PTPRT: variants seen among roughly 807,000 people sequenced by gnomAD.
The protein encoded by PTPRT is protein tyrosine phosphatase receptor type T.
Under a neutral mutation model 176.8 loss-of-function variants are expected in PTPRT, and 56 were observed. That is an observed-to-expected ratio of 0.32 (90% CI 0.26 to 0.40). The LOEUF is 0.40. Ranked by LOEUF, PTPRT falls within the 10% of genes least tolerant of loss-of-function variation. The pLI is 1.00. For missense variants in PTPRT, 1,540 were observed against 1,908.2 expected, an observed-to-expected ratio of 0.81 and a Z score of 3.60; for synonymous variants, 783 against 739.0, an observed-to-expected ratio of 1.06 and a Z score of -0.96.
chr20:42,871,717 G>A (rs1451809189), intron 2 of PTPRT, among the ~76,000 whole-genome samples: 1 of 152,120 alleles, frequency 6.6e-6, no homozygotes, highest in East Asian at 1.9e-4. Flanking sequence ...GCCATTTGTT[G>A]AAGAAATTAT....
intron 7 of PTPRT, among the ~76,000 whole-genome samples, chr20:42,480,791 C>T (rs927686508): frequency 3.9e-5 from 6 of 152,072 alleles, no homozygotes; most frequent in Non-Finnish European, 7.3e-5. Context: ...TTAAGGTGAA[C>T]GAGGATTAAC....
intron 7 of PTPRT, among the ~76,000 whole-genome samples, chr20:42,542,013 C>T (rs986229946): frequency 5.9e-5 from 9 of 152,064 alleles, no homozygotes; most frequent in Non-Finnish European, 5.9e-5. Flanking sequence ...TTTTCCCATG[C>T]TGTTCTCGTA....
intron 9 of PTPRT, among the ~76,000 whole-genome samples, chr20:42,446,297 A>T (rs971673609): frequency 3.9e-5 from 6 of 152,194 alleles, no homozygotes; most frequent in African/African-American, 1.4e-4. Flanking sequence ...AATTTATTCA[A>T]TTTGAAGGAT....
At chr20:42,482,044 A>G (rs928674751) in intron 7 of PTPRT, among the ~76,000 whole-genome samples, 3 of 152,088 alleles carry the variant, frequency 2.0e-5, no homozygotes, top group Non-Finnish European at 2.9e-5. Flanking sequence ...ATTACCAACA[A>G]TGTAATATTT....
chr20:42,537,902 G>T (rs902750315), intron 7 of PTPRT, among the ~76,000 whole-genome samples: 3 of 152,104 alleles, frequency 2.0e-5, no homozygotes, highest in Non-Finnish European at 4.4e-5. Flanking sequence ...TCAGCATAAG[G>T]TATACCACCA....
chr20:42,642,344 C>A (rs180702426), intron 7 of PTPRT, among the ~76,000 whole-genome samples: 60 of 152,276 alleles, frequency 3.9e-4, no homozygotes, highest in African/African-American at 1.3e-3. Context: ...ACTGAGAAAG[C>A]TCTGATCCTT....
intron 2 of PTPRT, among the ~76,000 whole-genome samples, chr20:42,853,615 G>T (rs139447051): frequency 6.6e-6 from 1 of 152,136 alleles, no homozygotes; most frequent in African/African-American, 2.4e-5. Flanking sequence ...TCTGGTGCTC[G>T]AACGATTGGA....
At chr20:43,085,450 A>C (rs891688048) in intron 1 of PTPRT, among the ~76,000 whole-genome samples, 3 of 152,192 alleles carry the variant, frequency 2.0e-5, no homozygotes, top group Non-Finnish European at 1.5e-5. Flanking sequence ...TCTGAGCCCC[A>C]ACTATGTGAA....
At chr20:42,964,116 T>G (rs1019155164) in intron 1 of PTPRT, among the ~76,000 whole-genome samples, 1 of 152,046 alleles carries the variant, frequency 6.6e-6, no homozygotes, top group African/African-American at 2.4e-5. Flanking sequence ...AAAACAAGCA[T>G]AAGAAATAGA....
chr20:42,779,674 G>A (rs1014223045), intron 4 of PTPRT, among the ~76,000 whole-genome samples: 3 of 152,158 alleles, frequency 2.0e-5, no homozygotes, highest in African/African-American at 4.8e-5. Context: ...GGAGTGCCAC[G>A]CCTTTGAGGA....
intron 7 of PTPRT, among the ~76,000 whole-genome samples, chr20:42,495,907 T>C (rs981612161): frequency 6.6e-6 from 1 of 152,108 alleles, no homozygotes; most frequent in Non-Finnish European, 1.5e-5. Context: ...CCCCACACAG[T>C]TGAAACTCCA....
intron 9 of PTPRT, among the ~76,000 whole-genome samples, chr20:42,373,788 G>A (rs913162405): frequency 6.6e-6 from 1 of 152,342 alleles, no homozygotes; most frequent in South Asian, 2.1e-4. Flanking sequence ...CATGCACACT[G>A]TTTGAGTCCA....
rs111327988 is a variant in PTPRT at position 42,766,259 on chromosome 20, A to G, written c.684+5176T>C. On this transcript the variant is annotated intron_variant, in intron 5 of 30. Coordinates refer to ENST00000373187, the MANE Select transcript of PTPRT (RefSeq NM_007050.6). The stretch of plus-strand genomic sequence containing the variant: ...ATGTCTGGATTCCTCAGGCCAAAGT[A>G]TCACATAAGGAATAAGCAAGTTATG... 4.6e-3 allele frequency among the ~76,000 whole-genome samples: 703 copies of G among 152,322 alleles called. 3 individuals carry two copies. Among genetic ancestry groups the G allele is most frequent in the African/African-American group, 0.016 (681 of 41,560 alleles).
Position 42,080,407 on chromosome 20 carries a change from G to A in PTPRT, c.*472C>T, listed in dbSNP as rs1401669529. ...GTGCCAGAGGCCCCTGAAGGAGGTTGCAGGGGGCAGCAGAGCAGTGACCCC... is the reference window on the plus strand; with the variant it reads ...GTGCCAGAGGCCCCTGAAGGAGGTTACAGGGGGCAGCAGAGCAGTGACCCC... On this transcript the variant is annotated 3_prime_UTR_variant, in exon 31 of 31. Transcript: ENST00000373187. 2 of 233,540 alleles carry A rather than the reference G, an allele frequency of 8.6e-6. No individual in the cohort carries two copies. The highest frequency in any genetic ancestry group is 1.7e-5 in the Non-Finnish European group (2 of 118,502). The allele number at this position is 233,540 out of a possible 1,614,324, so 14.5% of individuals were successfully genotyped here. A position where few individuals can be genotyped will look rare whatever the true frequency, so the allele number is the denominator to read the frequency against.
chr20:42,189,356 A>G (rs527758675), intron 16 of PTPRT, among the ~76,000 whole-genome samples: 69 of 152,324 alleles, frequency 4.5e-4, no homozygotes, highest in African/African-American at 1.6e-3. Context: ...CTGGGACACT[A>G]TACACACCTT....
intron 1 of PTPRT, among the ~76,000 whole-genome samples, chr20:43,131,365 C>G (rs1218564594): frequency 6.6e-6 from 1 of 152,232 alleles, no homozygotes; most frequent in Non-Finnish European, 1.5e-5. Context: ...CAGGGCAGAT[C>G]TGCTTTTTCC....
chr20:42,594,129 G>A (rs1601336722), intron 7 of PTPRT, among the ~76,000 whole-genome samples: 3 of 152,126 alleles, frequency 2.0e-5, no homozygotes, highest in Non-Finnish European at 4.4e-5. Context: ...GGAGACCAAC[G>A]TGAAGGGAAA....
Position 42,508,779 on chromosome 20 carries a change from A to G in PTPRT, c.1154-36217T>C, listed in dbSNP as rs188950313. ...CAGGTGAGCTATTATTACTGTTGTTATTGGTCCAATAAACATATTTTTACT... is the reference window on the plus strand; with the variant it reads ...CAGGTGAGCTATTATTACTGTTGTTGTTGGTCCAATAAACATATTTTTACT... On this transcript the variant is annotated intron_variant, in intron 7 of 30. Coordinates refer to ENST00000373187, the MANE Select transcript of PTPRT (RefSeq NM_007050.6). 1.2e-3 allele frequency among the ~76,000 whole-genome samples: 176 copies of G among 151,544 alleles called. 3 individuals carry two copies. Among genetic ancestry groups the G allele is most frequent in the African/African-American group, 4.0e-3 (166 of 41,416 alleles).
intron 1 of PTPRT, among the ~76,000 whole-genome samples, chr20:42,985,788 G>A (rs1211473051): frequency 6.6e-6 from 1 of 152,154 alleles, no homozygotes. Flanking sequence ...TCAAAGTCTA[G>A]CGGGGGGATG....
Sources: gnomAD v4.1 joint callset for allele counts (sites outside exome capture counted in the v4.1 genomes callset) on GRCh38, gnomAD v4.1.1 for gene constraint, MANE v1.5 for transcripts, NCBI Gene and HGNC (gene_info 2026-07-23, HGNC 2026-07-21) for gene names.